Variants in SORCS2 observed in about 807,000 individuals in gnomAD.
SORCS2 encodes sortilin related VPS10 domain containing receptor 2.
A neutral mutation model predicts 141.6 loss-of-function variants in SORCS2; 100 were observed. That is an observed-to-expected ratio of 0.71 (90% CI 0.60 to 0.83). SORCS2 has a LOEUF of 0.83. Ranked by LOEUF, SORCS2 falls within the 40% of genes least tolerant of loss-of-function variation. The pLI is 0.00. For missense variants in SORCS2, 1,646 were observed against 1,560.2 expected, an observed-to-expected ratio of 1.05 and a Z score of -0.93; for synonymous variants, 789 against 676.9, an observed-to-expected ratio of 1.17 and a Z score of -2.57.
chr4:7,383,214 T>G (rs3894742), intron 1 of SORCS2, among the ~76,000 whole-genome samples: 1 of 152,128 alleles, frequency 6.6e-6, no homozygotes, highest in African/African-American at 2.4e-5. Flanking sequence ...TCTTCCCAAG[T>G]TGGCATCAGA....
chr4:7,241,402 C>T (rs576083331), intron 1 of SORCS2, among the ~76,000 whole-genome samples: 55 of 152,236 alleles, frequency 3.6e-4, no homozygotes, highest in Non-Finnish European at 7.6e-4. Context: ...CCAGCATGAA[C>T]GCTCCCAGTG....
intron 2 of SORCS2, among the ~76,000 whole-genome samples, chr4:7,472,789 G>A (rs569753924): frequency 2.5e-4 from 38 of 152,254 alleles, no homozygotes; most frequent in African/African-American, 8.7e-4. Context: ...TTGACTCCCC[G>A]CTGTGAGGCT....
At chr4:7,210,947 G>T (rs2108883416) in intron 1 of SORCS2, among the ~76,000 whole-genome samples, 1 of 152,330 alleles carries the variant, frequency 6.6e-6, no homozygotes, top group East Asian at 1.9e-4. Flanking sequence ...ACCCCACAGG[G>T]CTCTTCTGGG....
At chr4:7,397,513 C>G (rs1439805466) in intron 2 of SORCS2, among the ~76,000 whole-genome samples, 1 of 152,150 alleles carries the variant, frequency 6.6e-6, no homozygotes, top group Non-Finnish European at 1.5e-5. Flanking sequence ...ATTCCGTCGT[C>G]ACCACCAGAA....
At chr4:7,588,919 G>A (rs1269173498) in intron 3 of SORCS2, among the ~76,000 whole-genome samples, 1 of 152,202 alleles carries the variant, frequency 6.6e-6, no homozygotes, top group African/African-American at 2.4e-5. Context: ...CCGCTTCACA[G>A]AGGACGTGGA....
rs536992357 is a variant in SORCS2 at position 7,563,514 on chromosome 4, C to A, written c.648+31885C>A. 5.3e-5 allele frequency among the ~76,000 whole-genome samples: 8 copies of A among 152,280 alleles called. No homozygotes were observed. The South Asian group carries it at 1.7e-3, about 32-fold the overall frequency. On this transcript the variant is annotated intron_variant, in intron 3 of 26. Transcript: ENST00000507866. ...TATTTTCCCTGCCACTTGGACTCTT[C>A]CATGCCACTAGATGGTCATGGCTGA...
At chr4:7,433,888 G>A (rs775879452) in intron 2 of SORCS2, 2 of 1,613,810 alleles carry the variant, frequency 1.2e-6, no homozygotes, top group African/African-American at 2.7e-5. Context: ...CTTCGTGATA[G>A]AGGCAGGCAT....
In SORCS2 at chr4:7,296,269, C is replaced by T. The variant is rs1340672830; in HGVS notation, c.481-100019C>T. On this transcript the variant is annotated intron_variant, in intron 1 of 26. Coordinates refer to ENST00000507866, the MANE Select transcript of SORCS2 (RefSeq NM_020777.3). ...CTCACAGCCTCCGGGAGCTGGAAGT[C>T]TCTTTTCCCCGGAGCAAGCACTGTG... Among the ~76,000 whole-genome samples the T allele has an allele frequency of 2.6e-5, 4 of 152,256 alleles. No individual in the cohort carries two copies. The East Asian group carries it at 7.7e-4, about 29-fold the overall frequency.
intron 2 of SORCS2, chr4:7,432,694 A>G (rs1270964753): frequency 6.6e-6 from 1 of 150,724 alleles, no homozygotes; most frequent in Non-Finnish European, 1.5e-5. Flanking sequence ...ATGGGGGGGG[A>G]CTGCTCCGAA....
chr4:7,625,758 G>C (rs980638304), intron 3 of SORCS2, among the ~76,000 whole-genome samples: 1 of 151,998 alleles, frequency 6.6e-6, no homozygotes, highest in African/African-American at 2.4e-5. Context: ...AGAGAAGGAG[G>C]GAGGGAGGGA....
At chr4:7,381,902 C>A in intron 1 of SORCS2, 3 of 986,366 alleles carry the variant, frequency 3.0e-6, no homozygotes, top group Non-Finnish European at 3.6e-6. Context: ...ACCAGCAGAG[C>A]AGGCAGACAG....
intron 2 of SORCS2, among the ~76,000 whole-genome samples, chr4:7,425,699 G>GGGTTT (rs1458189324): frequency 2.0e-5 from 3 of 152,222 alleles, no homozygotes; most frequent in African/African-American, 7.2e-5. Context: ...GTCTTCAGGT[G>GGGTTT]GGTTTGGTTT....
chr4:7,554,431 A>G (rs75544724), intron 3 of SORCS2, among the ~76,000 whole-genome samples: 8,273 of 152,214 alleles, frequency 0.054, 291 homozygotes, highest in African/African-American at 0.1. Flanking sequence ...TCCTGCTCCC[A>G]TGTCCTCTCT....
At chr4:7,493,728 C>T (rs759999102) in intron 2 of SORCS2, among the ~76,000 whole-genome samples, 5 of 152,150 alleles carry the variant, frequency 3.3e-5, no homozygotes, top group East Asian at 1.9e-4. Context: ...AGAGAACACG[C>T]GGAGCCATGT....
intron 3 of SORCS2, among the ~76,000 whole-genome samples, chr4:7,575,540 G>C (rs1479580070): frequency 6.6e-6 from 1 of 152,168 alleles, no homozygotes; most frequent in Non-Finnish European, 1.5e-5. Flanking sequence ...GTAAAAGTAG[G>C]TTCACATACG....
At chr4:7,210,493 C>A (rs1727999809) in intron 1 of SORCS2, among the ~76,000 whole-genome samples, 1 of 152,158 alleles carries the variant, frequency 6.6e-6, no homozygotes, top group Non-Finnish European at 1.5e-5. Flanking sequence ...GTTGCCCAGG[C>A]TGGTGTTGAA....
intron 3 of SORCS2, among the ~76,000 whole-genome samples, chr4:7,554,976 A>G (rs772400685): frequency 6.6e-6 from 1 of 152,180 alleles, no homozygotes; most frequent in Non-Finnish European, 1.5e-5. Flanking sequence ...CATCAAAGTC[A>G]TCACAGTCGA....
At position 7,414,252 on chromosome 4, in the gene SORCS2, C is replaced by T. The variant is rs1258194615; in HGVS notation, c.548+17897C>T. The stretch of plus-strand genomic sequence containing the variant: ...ACAGAGGACCCAGGGTGGTAGCCCA[C>T]AGTTGCACATGGCAAGACCTGGCTG... On this transcript the variant is annotated intron_variant, in intron 2 of 26. Coordinates refer to ENST00000507866, the MANE Select transcript of SORCS2 (RefSeq NM_020777.3). 3.3e-5 allele frequency among the ~76,000 whole-genome samples: 5 copies of T among 152,210 alleles called. No homozygotes were observed. The South Asian group carries it at 1.0e-3, about 31-fold the overall frequency.
chr4:7,631,410 G>A (rs1288421792), intron 3 of SORCS2, among the ~76,000 whole-genome samples: 1 of 151,988 alleles, frequency 6.6e-6, no homozygotes, highest in Non-Finnish European at 1.5e-5. Flanking sequence ...GGGGTGGGAG[G>A]GCCAGCTCAG....
Sources: gnomAD v4.1 joint callset for allele counts (sites outside exome capture counted in the v4.1 genomes callset) on GRCh38, gnomAD v4.1.1 for gene constraint, MANE v1.5 for transcripts, NCBI Gene and HGNC (gene_info 2026-07-23, HGNC 2026-07-21) for gene names.